The following CEMIP2 variants were observed in gnomAD, a reference collection of about 807,000 sequenced individuals.
The protein encoded by CEMIP2 is cell migration inducing hyaluronidase 2.
CEMIP2 carries 79 observed loss-of-function variants against 146.9 expected under a neutral mutation model. That is an observed-to-expected ratio of 0.54 (90% CI 0.45 to 0.65). The LOEUF (loss-of-function observed/expected upper bound fraction) is 0.65, where lower values mean the gene tolerates loss of function less well. Among genes scored for constraint, CEMIP2 ranks in the 30% least tolerant of loss-of-function variants. The pLI, the probability that CEMIP2 is intolerant of heterozygous loss-of-function variation, is 0.00. For synonymous variants in CEMIP2, 601 were observed against 606.3 expected (o/e 0.99, Z 0.13); for missense variants, 1,596 against 1,696.2 (o/e 0.94, Z 1.04).
chr9:71,685,420 GA>G (rs759498024), intron 23 of CEMIP2, 27 bp from the exon 24 acceptor site: 38 of 1,288,628 alleles, frequency 2.9e-5, no homozygotes, highest in South Asian at 3.8e-5. Context: ...AAAAGAAAAA[GA>G]AAAAAAATCA....
At position 71,684,502 on chromosome 9, in the gene CEMIP2, T is replaced by C. The variant is rs1489805358; in HGVS notation, c.*695A>G. ...AAATGGTCCCAACAGCCTCAGACTTTTGCTGCAGGAAAATTTTTTGCCCAA... is the reference window on the plus strand; with the variant it reads ...AAATGGTCCCAACAGCCTCAGACTTCTGCTGCAGGAAAATTTTTTGCCCAA... On this transcript the variant is annotated 3_prime_UTR_variant, in exon 24 of 24. Coordinates refer to ENST00000377044, the MANE Select transcript of CEMIP2 (RefSeq NM_013390.3). 6.6e-6 allele frequency: 1 copy of C among 152,630 alleles called. No individual in the cohort carries two copies. Among genetic ancestry groups the C allele is most frequent in the Non-Finnish European group, 1.5e-5 (1 of 68,030 alleles). 9.5% of individuals were successfully genotyped at this position (152,630 alleles called of 1,614,324 possible). A position where few individuals can be genotyped will look rare whatever the true frequency, so the allele number is the denominator to read the frequency against.
intron 11 of CEMIP2, among the ~76,000 whole-genome samples, chr9:71,723,136 G>GGAAAAAAAAAAA (rs562543367): frequency 9.6e-6 from 1 of 104,232 alleles, no homozygotes; most frequent in Non-Finnish European, 1.8e-5. Context: ...AACAGCCAAA[G>GGAAAAAAAAAAA]AAAAAAAAAA....
At chr9:71,704,932 G>A in intron 17 of CEMIP2, 129 bp from the exon 18 acceptor site, 1 of 821,172 alleles carries the variant, frequency 1.2e-6, no homozygotes, top group Non-Finnish European at 1.9e-6. Flanking sequence ...CAGACTAAGT[G>A]AGCAGCAGCC....
chr9:71,752,901 T>C (rs1265339677), intron 1 of CEMIP2, among the ~76,000 whole-genome samples: 2 of 152,180 alleles, frequency 1.3e-5, no homozygotes, highest in African/African-American at 4.8e-5. Context: ...TCAGTGTTTC[T>C]GTCAAAAACA....
At chr9:71,706,892 G>C (rs1435025357) in intron 17 of CEMIP2, among the ~76,000 whole-genome samples, 4 of 152,060 alleles carry the variant, frequency 2.6e-5, no homozygotes, top group Non-Finnish European at 5.9e-5. Flanking sequence ...GCAATGGCAT[G>C]ATCTCAGCTC....
At chr9:71,750,645 C>A (rs1824224227) in intron 1 of CEMIP2, among the ~76,000 whole-genome samples, 1 of 150,968 alleles carries the variant, frequency 6.6e-6, no homozygotes, top group South Asian at 2.1e-4. Context: ...CAATGTTTCT[C>A]CATGTAGGTT....
chr9:71,744,694 T>C (rs142218192), intron 4 of CEMIP2, among the ~76,000 whole-genome samples: 333 of 152,280 alleles, frequency 2.2e-3, no homozygotes, highest in African/African-American at 7.5e-3. Context: ...CTTCAGAAGG[T>C]AACGAAAGGA....
At position 71,732,551 on chromosome 9, in the gene CEMIP2, T is replaced by C. The variant is rs748898661; in HGVS notation, c.1394-31A>G. ...TGATATGAGCAAGGAAAAAAAAGAA[T>C]ATTAGAACAAAGAAAACATGAAACT... On this transcript the variant is annotated intron_variant, in intron 6 of 23. Transcript: ENST00000377044. 15 of 1,551,852 alleles carry C rather than the reference T, an allele frequency of 9.7e-6. No individual in the cohort carries two copies. In the South Asian group the frequency reaches 1.9e-4, roughly 19 times the overall value.
At chr9:71,708,263 T>G (rs538123091) in intron 17 of CEMIP2, among the ~76,000 whole-genome samples, 25 of 152,310 alleles carry the variant, frequency 1.6e-4, no homozygotes, top group African/African-American at 6.0e-4. Flanking sequence ...GATCTGCTCC[T>G]TTCAAAATCC....
At chr9:71,736,427 G>A (rs1823762706) in intron 5 of CEMIP2, among the ~76,000 whole-genome samples, 1 of 152,196 alleles carries the variant, frequency 6.6e-6, no homozygotes, top group Non-Finnish European at 1.5e-5. Context: ...TGTATCCACG[G>A]ATGTCTACTG....
chr9:71,715,623 A>AAAATATATATAT (rs1564005835), intron 14 of CEMIP2, among the ~76,000 whole-genome samples: 1 of 40,060 alleles, frequency 2.5e-5, no homozygotes, highest in Non-Finnish European at 6.7e-5. Context: ...TATCCCTCTT[A>AAAATATATATAT]AGATATATAT....
chr9:71,691,135 T>C (rs1209892688), intron 21 of CEMIP2, among the ~76,000 whole-genome samples: 2 of 152,212 alleles, frequency 1.3e-5, no homozygotes, highest in African/African-American at 4.8e-5. Flanking sequence ...GTATTCAAAA[T>C]GGCACTTTAA....
intron 17 of CEMIP2, among the ~76,000 whole-genome samples, chr9:71,707,128 TTA>T (rs1299156669): frequency 6.6e-6 from 1 of 152,020 alleles, no homozygotes; most frequent in Non-Finnish European, 1.5e-5. Context: ...ATGCCCGGCC[TTA>T]GTTTTTATTT....
At chr9:71,753,060 G>T (rs530361294) in intron 1 of CEMIP2, among the ~76,000 whole-genome samples, 1 of 152,200 alleles carries the variant, frequency 6.6e-6, no homozygotes, top group South Asian at 2.1e-4. Context: ...GAGACATTCT[G>T]CTGGAACAAA....
intron 17 of CEMIP2, among the ~76,000 whole-genome samples, chr9:71,705,531 C>A (rs1368890773): frequency 6.6e-6 from 1 of 152,080 alleles, no homozygotes; most frequent in East Asian, 1.9e-4. Flanking sequence ...GACATTTAAT[C>A]TACAATACTT....
chr9:71,763,656 G>T (rs892307481), intron 1 of CEMIP2, among the ~76,000 whole-genome samples: 22 of 152,172 alleles, frequency 1.4e-4, no homozygotes, highest in Admixed American at 7.2e-4. Flanking sequence ...ATGTAAAAAG[G>T]TTTATCACTT....
At chr9:71,765,732 G>C (rs1034968482) in intron 1 of CEMIP2, among the ~76,000 whole-genome samples, 1 of 152,000 alleles carries the variant, frequency 6.6e-6, no homozygotes, top group South Asian at 2.1e-4. Flanking sequence ...CCTTATGTCC[G>C]GGGCTAGGCT....
At position 71,690,251 on chromosome 9, in the gene CEMIP2, G is replaced by A. The variant is rs769325169; in HGVS notation, c.3697-5C>T. On this transcript the variant is annotated splice_polypyrimidine_tract_variant and splice_region_variant and intron_variant, in intron 21 of 23. Coordinates refer to ENST00000377044, the MANE Select transcript of CEMIP2 (RefSeq NM_013390.3). Reference sequence around the variant, plus strand: ...GGTAAAGTCAGTGCCATTGACCTGAGAATGCAAAAACATCTTCTGCTGTCA... The same window carrying A: ...GGTAAAGTCAGTGCCATTGACCTGAAAATGCAAAAACATCTTCTGCTGTCA... 127 of 1,611,868 alleles carry A rather than the reference G, an allele frequency of 7.9e-5. No homozygotes were observed. Among genetic ancestry groups the A allele is most frequent in the Non-Finnish European group, 1.1e-4 (124 of 1,179,044 alleles).
intron 1 of CEMIP2, among the ~76,000 whole-genome samples, chr9:71,751,609 G>T (rs1490607814): frequency 6.6e-6 from 1 of 152,074 alleles, no homozygotes; most frequent in Admixed American, 6.6e-5. Context: ...TAGATTCCTG[G>T]CCTCTTTGCC....
Sources: gnomAD v4.1 joint callset for allele counts (sites outside exome capture counted in the v4.1 genomes callset) on GRCh38, gnomAD v4.1.1 for gene constraint, MANE v1.5 for transcripts, NCBI Gene and HGNC (gene_info 2026-07-23, HGNC 2026-07-21) for gene names.